Variants in PRTG observed in about 807,000 individuals in gnomAD.
The protein encoded by PRTG is protogenin.
Under a neutral mutation model 122.5 loss-of-function variants are expected in PRTG, and 67 were observed. The ratio of observed to expected loss-of-function variants is 0.55; its 90% CI spans 0.45 to 0.67. The LOEUF is 0.67. PRTG is among the 30% of genes least tolerant of loss of function. PRTG has a pLI of 0.00. For synonymous variants in PRTG, 554 were observed against 501.1 expected (o/e 1.11, Z -1.41); for missense variants, 1,435 against 1,415.4 (o/e 1.01, Z -0.22).
At position 55,682,485 on chromosome 15, in the gene PRTG, T is replaced by A; in HGVS notation, c.555A>T (p.Leu185=). 2 of 1,544,726 alleles carry A rather than the reference T, an allele frequency of 1.3e-6. No homozygotes were observed. Among genetic ancestry groups the A allele is most frequent in the Non-Finnish European group, 1.8e-6 (2 of 1,140,676 alleles). The change falls in exon 4 of 20, where the codon CTA becomes CTT. Residue 185 remains leucine, a synonymous_variant. Coordinates refer to ENST00000389286, the MANE Select transcript of PRTG (RefSeq NM_173814.6). ...CATAGATCTGCAATACTCCTGTTGG[T>A]AGGGCAGTTATCCTGTTATGAGAGA... is the stretch of plus-strand genomic sequence containing the variant. ...LPMTMDRITA[L]PTGVLQIYDV... is the part of the protein sequence containing the mutation.
At chr15:55,722,203 T>C (rs2030851207) in intron 2 of PRTG, among the ~76,000 whole-genome samples, 1 of 152,062 alleles carries the variant, frequency 6.6e-6, no homozygotes, top group Admixed American at 6.6e-5. Flanking sequence ...GATCTGAAAA[T>C]TTTCAAAATT....
At chr15:55,678,195 A>G in intron 7 of PRTG, 151 bp from the exon 8 acceptor site, 1 of 580,066 alleles carries the variant, frequency 1.7e-6, no homozygotes, top group East Asian at 2.9e-5. Flanking sequence ...AACTATGTGG[A>G]ATCCTGAAGA....
In PRTG at chr15:55,616,100, A is replaced by G. The variant is rs570649949; in HGVS notation, c.*3912T>C. On this transcript the variant is annotated 3_prime_UTR_variant, in exon 20 of 20. Coordinates refer to ENST00000389286, the MANE Select transcript of PRTG (RefSeq NM_173814.6). ...CTTTGGTATGGCAAAACTGATTTTTAAAAGTCACTTAATGGATAAAGCTGT... is the reference window on the plus strand; with the variant it reads ...CTTTGGTATGGCAAAACTGATTTTTGAAAGTCACTTAATGGATAAAGCTGT... The G allele has an allele frequency of 6.6e-6, 1 of 152,288 alleles. No homozygotes were observed. Among genetic ancestry groups the G allele is most frequent in the East Asian group, 1.9e-4 (1 of 5,190 alleles). The allele number at this position is 152,288 out of a possible 1,614,324, so 9.4% of individuals were successfully genotyped here. A position where few individuals can be genotyped will look rare whatever the true frequency, so the allele number is the denominator to read the frequency against.
At chr15:55,641,051 G>A (rs1182225272) in intron 12 of PRTG, 62 bp downstream of exon 12, 4 of 1,090,482 alleles carry the variant, frequency 3.7e-6, no homozygotes, top group East Asian at 2.4e-5. Flanking sequence ...TAACTTAAAG[G>A]AGGAGGAGGA....
intron 17 of PRTG, among the ~76,000 whole-genome samples, chr15:55,625,387 C>T (rs762037745): frequency 2.6e-4 from 40 of 152,040 alleles, no homozygotes; most frequent in Non-Finnish European, 4.3e-4. Context: ...GGCACTGTTA[C>T]TGAAACAGAA....
Position 55,673,545 on chromosome 15 carries a change from T to C in PRTG, c.1678A>G (p.Thr560Ala). Residue 560 changes from threonine (T) to alanine (A), a missense_variant, in exon 10 of 20, where the codon ACT becomes GCT. By Grantham distance (58) the Thr-to-Ala change is moderately conservative. Transcript: ENST00000389286. Reference protein sequence around the residue: ...VLYRLSFRLSTENSIQVLELP... With the variant: ...VLYRLSFRLSAENSIQVLELP... Reference sequence around the variant, plus strand: ...TCCAGAACTTGGATTGAATTCTCAGTACTTAGGCGGAAAGACAAGCGATAC... The same window carrying C: ...TCCAGAACTTGGATTGAATTCTCAGCACTTAGGCGGAAAGACAAGCGATAC... The C allele has an allele frequency of 6.2e-7, 1 of 1,614,102 alleles. No individual in the cohort carries two copies. The highest frequency in any genetic ancestry group is 1.1e-5 in the South Asian group (1 of 91,086).
intron 2 of PRTG, among the ~76,000 whole-genome samples, chr15:55,735,396 T>A (rs1479980105): frequency 2.6e-5 from 4 of 152,148 alleles, no homozygotes; most frequent in African/African-American, 7.2e-5. Flanking sequence ...GTATTTTATT[T>A]ATTAATTAAA....
At chr15:55,678,560 A>G (rs2059517998) in intron 7 of PRTG, among the ~76,000 whole-genome samples, 1 of 152,198 alleles carries the variant, frequency 6.6e-6, no homozygotes, top group Non-Finnish European at 1.5e-5. Flanking sequence ...GTATCATTTT[A>G]GATAATAAAA....
In PRTG at chr15:55,742,974, CCT is replaced by C; in HGVS notation, c.-45_-44del. ...GCATGCTCCCCGGCCGCCCAGAGCCCCTGTCCGTCTGCGGCCCCCGCCCCGGG... is the reference window on the plus strand; with the variant it reads ...GCATGCTCCCCGGCCGCCCAGAGCCCGTCCGTCTGCGGCCCCCGCCCCGGG... On this transcript the variant is annotated 5_prime_UTR_variant, in exon 1 of 20. Coordinates refer to ENST00000389286, the MANE Select transcript of PRTG (RefSeq NM_173814.6). 7.0e-7 allele frequency: 1 copy of C among 1,419,814 alleles called. No homozygotes were observed. Among genetic ancestry groups the C allele is most frequent in the Non-Finnish European group, 9.2e-7 (1 of 1,089,958 alleles). 88.0% of individuals were successfully genotyped at this position (1,419,814 alleles called of 1,614,324 possible).
At position 55,638,542 on chromosome 15, in the gene PRTG, T is replaced by C. The variant is rs747573085; in HGVS notation, c.2452+7A>G. 1.5e-5 allele frequency: 24 copies of C among 1,591,966 alleles called. No individual in the cohort carries two copies. Among genetic ancestry groups the C allele is most frequent in the Non-Finnish European group, 2.0e-5 (24 of 1,172,628 alleles). On this transcript the variant is annotated splice_region_variant and intron_variant, in intron 14 of 19. Transcript: ENST00000389286. ...AGATAAAATCTATAGGGAGCTGTTT[T>C]CTTTACCTTCTGGAAGAGTAGAATG...
chr15:55,671,264 C>T (rs2059469649), intron 11 of PRTG, among the ~76,000 whole-genome samples: 1 of 152,172 alleles, frequency 6.6e-6, no homozygotes, highest in Non-Finnish European at 1.5e-5. Context: ...TTTACCTCCC[C>T]TCACCTTCAC....
rs780931139 is a variant in PRTG at position 55,620,178 on chromosome 15, C to T, written c.3287G>A (p.Gly1096Asp). The part of the protein sequence containing the change: ...ISDEDSPSSP[G>D]QTTSFSRPFG... ...GGGTCTTGAGAAGCTGGTTGTCTGA[C>T]CTGGGGAGCTAGGGGAGTCTTCATC... Residue 1096 changes from glycine to aspartate, a missense_variant, in exon 20 of 20, where the codon GGT becomes GAT. Transcript: ENST00000389286. The T allele has an allele frequency of 1.2e-6, 2 of 1,614,060 alleles. No individual in the cohort carries two copies. Among genetic ancestry groups the T allele is most frequent in the African/African-American group, 1.3e-5 (1 of 74,914 alleles).
intron 3 of PRTG, 47 bp from the exon 4 acceptor site, chr15:55,682,544 T>TTTTTTTTTTTTATTTATTTATTTA (rs375857024): frequency 2.2e-6 from 1 of 457,538 alleles, no homozygotes; most frequent in African/African-American, 2.2e-5. Flanking sequence ...AGATTTCATA[T>TTTTTTTTTTTTATTTATTTATTTA]TTTATTTATT....
At chr15:55,646,165 C>A (rs908286320) in intron 11 of PRTG, among the ~76,000 whole-genome samples, 2 of 146,882 alleles carry the variant, frequency 1.4e-5, no homozygotes, top group Admixed American at 7.0e-5. Flanking sequence ...CACCACCATG[C>A]CCAGCTAGTT....
intron 7 of PRTG, among the ~76,000 whole-genome samples, chr15:55,678,789 T>C (rs1040822690): frequency 2.0e-5 from 3 of 152,212 alleles, no homozygotes; most frequent in Non-Finnish European, 4.4e-5. Context: ...AGTGTGTACA[T>C]AGAATTCAGG....
intron 8 of PRTG, among the ~76,000 whole-genome samples, 170 bp downstream of exon 8, chr15:55,677,627 T>A: frequency 6.6e-6 from 1 of 152,150 alleles, no homozygotes; most frequent in East Asian, 1.9e-4. Flanking sequence ...GTACACAACA[T>A]GAAATTTAGA....
At chr15:55,688,195 G>C (rs1192655398) in intron 2 of PRTG, among the ~76,000 whole-genome samples, 1 of 152,146 alleles carries the variant, frequency 6.6e-6, no homozygotes, top group Non-Finnish European at 1.5e-5. Context: ...CTTCCTTTCT[G>C]AGTCCATGCC....
At position 55,620,755 on chromosome 15, in the gene PRTG, G is replaced by A; in HGVS notation, c.3106C>T (p.Leu1036=). The part of the protein sequence containing the change: ...SFIDAKGGTD[L]IINSYGPIIK... ...ATAGGACCATAGCTATTAATTATCA[G>A]GTCAGTTCCTCCCTGAGGAAATAAA... The change falls in exon 19 of 20, where the codon CTG becomes TTG. Residue 1036 remains leucine (L), a synonymous_variant. Transcript: ENST00000389286. 7 of 1,589,530 alleles carry A rather than the reference G, an allele frequency of 4.4e-6. No homozygotes were observed. The highest frequency in any genetic ancestry group is 6.0e-6 in the Non-Finnish European group (7 of 1,173,572).
intron 2 of PRTG, among the ~76,000 whole-genome samples, chr15:55,685,466 A>G (rs2059565151): frequency 6.6e-6 from 1 of 152,158 alleles, no homozygotes. Flanking sequence ...CATTTGCATA[A>G]TAACTTTCAC....
Sources: gnomAD v4.1 joint callset for allele counts (sites outside exome capture counted in the v4.1 genomes callset) on GRCh38, gnomAD v4.1.1 for gene constraint, MANE v1.5 for transcripts, NCBI Gene and HGNC (gene_info 2026-07-23, HGNC 2026-07-21) for gene names.